NTN4: variants seen among roughly 807,000 people sequenced by gnomAD.
The protein encoded by NTN4 is netrin-4.
In NTN4, 32 loss-of-function variants were observed where a neutral mutation model predicts 73.6. The observed-to-expected ratio is 0.44, with a 90% confidence interval of 0.33 to 0.58. The LOEUF is 0.58. Among genes scored for constraint, NTN4 ranks in the 20% least tolerant of loss-of-function variants. NTN4 has a pLI of 0.04. For missense variants in NTN4, 654 were observed against 798.3 expected (o/e 0.82, Z 2.18); for synonymous variants, 258 against 287.5 (o/e 0.90, Z 1.04).
chr12:95,719,189 C>G (rs1019528259), intron 3 of NTN4, among the ~76,000 whole-genome samples: 1 of 152,134 alleles, frequency 6.6e-6, no homozygotes, highest in Non-Finnish European at 1.5e-5. Context: ...TGAATTTCAT[C>G]AGTTGAATAA....
intron 3 of NTN4, among the ~76,000 whole-genome samples, chr12:95,716,531 T>C (rs1271839644): frequency 6.6e-6 from 1 of 152,150 alleles, no homozygotes; most frequent in Non-Finnish European, 1.5e-5. Context: ...ATATATTAAA[T>C]ATACTTTCTT....
chr12:95,661,544 G>T (rs754716891), intron 9 of NTN4, among the ~76,000 whole-genome samples: 22 of 152,172 alleles, frequency 1.4e-4, no homozygotes, highest in Non-Finnish European at 3.1e-4. Context: ...AGATCAGACT[G>T]CCTTCATTGT....
rs903352444 is a variant in NTN4, at chr12:95,753,822, G to A, written c.586-15678C>T. 2.0e-3 allele frequency among the ~76,000 whole-genome samples: 306 copies of A among 152,084 alleles called. 2 individuals carry two copies. The highest frequency in any genetic ancestry group is 3.8e-3 in the Admixed American group (58 of 15,282). ...AGCCAATTTAAGCTCCTGTATAGACGCTCCTTTTTATTAGGCCCCAGTCTC... is the reference window on the plus strand; with the variant it reads ...AGCCAATTTAAGCTCCTGTATAGACACTCCTTTTTATTAGGCCCCAGTCTC... On this transcript the variant is annotated intron_variant, in intron 2 of 9. Coordinates refer to ENST00000343702, the MANE Select transcript of NTN4 (RefSeq NM_021229.4).
intron 7 of NTN4, chr12:95,672,216 C>CG (rs1303324927): frequency 4.4e-6 from 2 of 451,042 alleles, no homozygotes; most frequent in Non-Finnish European, 3.8e-6. Context: ...GGGGGGCGGG[C>CG]GGGGGGAGGG....
At chr12:95,778,693 C>T (rs1222528549) in intron 2 of NTN4, among the ~76,000 whole-genome samples, 1 of 152,066 alleles carries the variant, frequency 6.6e-6, no homozygotes, top group Non-Finnish European at 1.5e-5. Flanking sequence ...AAAAAAAGTC[C>T]AGGACCAGAC....
At chr12:95,688,616 G>A (rs719722) in intron 5 of NTN4, among the ~76,000 whole-genome samples, 54,342 of 151,862 alleles carry the variant, frequency 0.36, 10,154 homozygotes, top group East Asian at 0.49. Context: ...TTGTCACCCA[G>A]TGGCAGTTGA....
intron 2 of NTN4, among the ~76,000 whole-genome samples, chr12:95,784,417 T>TG (rs1174052940): frequency 6.6e-6 from 1 of 152,208 alleles, no homozygotes; most frequent in African/African-American, 2.4e-5. Flanking sequence ...ACTTTACACT[T>TG]GCAAATAATG....
chr12:95,782,813 C>T (rs1038624899), intron 2 of NTN4, among the ~76,000 whole-genome samples: 11 of 152,144 alleles, frequency 7.2e-5, no homozygotes, highest in Non-Finnish European at 1.0e-4. Flanking sequence ...GGGAGCAAGT[C>T]GTGCTCCCTT....
chr12:95,710,670 A>T (rs747054437), intron 4 of NTN4, 41 bp from the exon 5 acceptor site: 15 of 1,575,152 alleles, frequency 9.5e-6, no homozygotes, highest in Non-Finnish European at 1.3e-5. Context: ...AATAAGTAAA[A>T]ATAAAATGAT....
intron 3 of NTN4, among the ~76,000 whole-genome samples, chr12:95,722,172 A>G (rs1228406508): frequency 1.3e-5 from 2 of 151,598 alleles, no homozygotes; most frequent in Non-Finnish European, 2.9e-5. Flanking sequence ...TGTAAAAATT[A>G]GATGATTAGC....
intron 2 of NTN4, among the ~76,000 whole-genome samples, chr12:95,774,914 T>A (rs1235103563): frequency 6.6e-6 from 1 of 152,238 alleles, no homozygotes; most frequent in Non-Finnish European, 1.5e-5. Flanking sequence ...TTCATGCTAC[T>A]TGACTTGGCA....
intron 5 of NTN4, among the ~76,000 whole-genome samples, chr12:95,701,444 A>C (rs2078484223): frequency 6.6e-6 from 1 of 152,114 alleles, no homozygotes; most frequent in African/African-American, 2.4e-5. Flanking sequence ...CTGTAGAAAT[A>C]AATTCAGTTT....
intron 9 of NTN4, among the ~76,000 whole-genome samples, chr12:95,662,116 C>G (rs1024382397): frequency 1.3e-5 from 2 of 151,990 alleles, no homozygotes; most frequent in Non-Finnish European, 2.9e-5. Flanking sequence ...AAGGATTTGC[C>G]TAAGCTATTA....
chr12:95,689,076 C>T (rs906558902), intron 5 of NTN4, among the ~76,000 whole-genome samples: 1 of 152,144 alleles, frequency 6.6e-6, no homozygotes, highest in Non-Finnish European at 1.5e-5. Context: ...ACCTTCCCCC[C>T]ACGCCCCTCC....
At chr12:95,751,327 G>A (rs1440828080) in intron 2 of NTN4, among the ~76,000 whole-genome samples, 1 of 151,992 alleles carries the variant, frequency 6.6e-6, no homozygotes, top group South Asian at 2.1e-4. Flanking sequence ...GAAAAAAGTT[G>A]CAATTCCTTG....
At chr12:95,757,044 C>T (rs2078951819) in intron 2 of NTN4, among the ~76,000 whole-genome samples, 1 of 152,130 alleles carries the variant, frequency 6.6e-6, no homozygotes, top group Admixed American at 6.5e-5. Context: ...TATACCATGT[C>T]TATTTTTAAA....
At chr12:95,726,049 T>C (rs539307711) in intron 3 of NTN4, among the ~76,000 whole-genome samples, 1 of 152,082 alleles carries the variant, frequency 6.6e-6, no homozygotes, top group African/African-American at 2.4e-5. Flanking sequence ...TAACCCACCA[T>C]GTTTGTTTTT....
In NTN4 at chr12:95,672,589, G is replaced by A; in HGVS notation, c.1511-2443C>T. 5 of 1,525,726 alleles carry A rather than the reference G, an allele frequency of 3.3e-6. No homozygotes were observed. The Admixed American group carries it at 5.0e-5, about 15-fold the overall frequency. 94.5% of individuals were successfully genotyped at this position (1,525,726 alleles called of 1,614,324 possible). On this transcript the variant is annotated intron_variant, in intron 7 of 9. Coordinates refer to ENST00000343702, the MANE Select transcript of NTN4 (RefSeq NM_021229.4). ...TCAATGAGCGGCACTATGGGGGTCT[G>A]ACCGATCTCGGTAAAGCAGAAACTG...
At chr12:95,693,899 C>A (rs2078421110) in intron 5 of NTN4, among the ~76,000 whole-genome samples, 1 of 151,850 alleles carries the variant, frequency 6.6e-6, no homozygotes, top group African/African-American at 2.4e-5. Context: ...ATAAAAAGTA[C>A]ACAAACACAA....
Sources: allele counts gnomAD v4.1 joint callset (sites outside exome capture counted in the v4.1 genomes callset), GRCh38; gene constraint gnomAD v4.1.1; transcripts MANE v1.5; gene names NCBI Gene and HGNC (gene_info 2026-07-23, HGNC 2026-07-21).